The following BRINP1 variants were observed in gnomAD, a reference collection of about 807,000 sequenced individuals.
BRINP1 encodes the protein BMP/retinoic acid inducible neural specific 1, also known as BMP/retinoic acid-inducible neural-specific protein 1.
In BRINP1, 17 loss-of-function variants were observed where a neutral mutation model predicts 72.9. The observed-to-expected ratio is 0.23, with a 90% CI of 0.16 to 0.35. The LOEUF is 0.35. Among genes scored for constraint, BRINP1 ranks in the 10% least tolerant of loss-of-function variants. The probability of loss-of-function intolerance (pLI) is 1.00; values close to 1 mark genes in which losing one functional copy is unlikely to be tolerated. For synonymous variants in BRINP1, 418 were observed against 378.5 expected, an observed-to-expected ratio of 1.10 and a Z score of -1.21; for missense variants, 850 against 1,001.6, an observed-to-expected ratio of 0.85 and a Z score of 2.04.
At chr9:119,184,431 G>A (rs1211712226) in intron 7 of BRINP1, among the ~76,000 whole-genome samples, 3 of 152,114 alleles carry the variant, frequency 2.0e-5, no homozygotes, top group Admixed American at 6.5e-5. Flanking sequence ...TAGTTAGAAG[G>A]ACACTTGTAA....
At chr9:119,223,631 AC>A (rs1830062788) in intron 5 of BRINP1, among the ~76,000 whole-genome samples, 1 of 152,062 alleles carries the variant, frequency 6.6e-6, no homozygotes, top group African/African-American at 2.4e-5. Flanking sequence ...AGTATTGAGT[AC>A]CCAGAGTACG....
At chr9:119,312,342 G>T (rs1346370818) in intron 2 of BRINP1, among the ~76,000 whole-genome samples, 2 of 152,178 alleles carry the variant, frequency 1.3e-5, no homozygotes, top group African/African-American at 4.8e-5. Flanking sequence ...CTCTGGGGAG[G>T]ATCTAGAAAT....
chr9:119,234,980 A>C (rs1003026257), intron 5 of BRINP1, among the ~76,000 whole-genome samples: 1 of 152,090 alleles, frequency 6.6e-6, no homozygotes, highest in Non-Finnish European at 1.5e-5. Flanking sequence ...CAATTGTCTA[A>C]ATTCTATATG....
At chr9:119,256,978 A>T (rs1830453161) in intron 2 of BRINP1, among the ~76,000 whole-genome samples, 3 of 152,248 alleles carry the variant, frequency 2.0e-5, no homozygotes, top group Admixed American at 1.3e-4. Flanking sequence ...CACATAAAAT[A>T]GGAAAAATAA....
In BRINP1 at chr9:119,313,218, C is replaced by T. The variant is rs1831087039; in HGVS notation, c.138G>A (p.Gly46=). The change falls in exon 2 of 8, where the codon GGG becomes GGA. Residue 46 remains glycine (G), a synonymous_variant. Coordinates refer to ENST00000265922, the MANE Select transcript of BRINP1 (RefSeq NM_014618.3). The part of the protein sequence containing the change: ...KEFDWLISDR[G]PFHHSRSYLS... Reference sequence around the variant, plus strand: ...GGTAGCTCCTGGAGTGGTGGAAAGGCCCCCTGTCTGAAATGAGCCAATCAA... The same window carrying T: ...GGTAGCTCCTGGAGTGGTGGAAAGGTCCCCTGTCTGAAATGAGCCAATCAA... 3 of 1,614,018 alleles carry T rather than the reference C, an allele frequency of 1.9e-6. No individual in the cohort carries two copies. Among genetic ancestry groups the T allele is most frequent in the East Asian group, 2.2e-5 (1 of 44,886 alleles).
chr9:119,266,209 A>G (rs1041446185), intron 2 of BRINP1, among the ~76,000 whole-genome samples: 2 of 152,166 alleles, frequency 1.3e-5, no homozygotes, highest in African/African-American at 4.8e-5. Flanking sequence ...TAGAGGCACA[A>G]TCTGTTCCAG....
intron 2 of BRINP1, among the ~76,000 whole-genome samples, chr9:119,279,647 G>T (rs1215383371): frequency 1.3e-5 from 2 of 151,982 alleles, no homozygotes; most frequent in Admixed American, 1.3e-4. Flanking sequence ...AGTTGAACAA[G>T]TGTTGATCAC....
intron 2 of BRINP1, among the ~76,000 whole-genome samples, chr9:119,252,441 G>A (rs138700083): frequency 1.3e-5 from 2 of 151,868 alleles, no homozygotes; most frequent in African/African-American, 4.8e-5. Flanking sequence ...TTCCTTATCA[G>A]CTAATCCAAG....
At chr9:119,186,012 G>A (rs1829613868) in intron 7 of BRINP1, among the ~76,000 whole-genome samples, 1 of 152,212 alleles carries the variant, frequency 6.6e-6, no homozygotes, top group Admixed American at 6.5e-5. Flanking sequence ...CCAAGCTGCT[G>A]CAGTTCCTTA....
At chr9:119,314,315 C>A (rs1831103375) in intron 1 of BRINP1, among the ~76,000 whole-genome samples, 1 of 152,150 alleles carries the variant, frequency 6.6e-6, no homozygotes, top group African/African-American at 2.4e-5. Flanking sequence ...AGAGGATAGA[C>A]CAGAAATCAC....
chr9:119,327,997 G>A (rs976335868), intron 1 of BRINP1, among the ~76,000 whole-genome samples: 2 of 152,244 alleles, frequency 1.3e-5, no homozygotes, highest in African/African-American at 4.8e-5. Flanking sequence ...TACAGGAGTG[G>A]ATGAGACCAC....
intron 5 of BRINP1, among the ~76,000 whole-genome samples, chr9:119,233,858 A>G (rs1830168561): frequency 6.6e-6 from 1 of 152,078 alleles, no homozygotes; most frequent in East Asian, 1.9e-4. Flanking sequence ...ATTTGTTTTT[A>G]CTTTTTTTTC....
intron 7 of BRINP1, among the ~76,000 whole-genome samples, chr9:119,200,649 AAG>A (rs1554747113): frequency 6.2e-5 from 9 of 145,538 alleles, no homozygotes; most frequent in East Asian, 3.9e-4. Context: ...AAAAAAAAAA[AAG>A]AAAGAAAAGA....
chr9:119,310,634 T>C (rs993894225), intron 2 of BRINP1, among the ~76,000 whole-genome samples: 1 of 152,158 alleles, frequency 6.6e-6, no homozygotes, highest in African/African-American at 2.4e-5. Flanking sequence ...AGGAGGGAAC[T>C]GGTGGAAGCT....
intron 7 of BRINP1, among the ~76,000 whole-genome samples, chr9:119,170,251 C>T (rs370866940): frequency 6.6e-5 from 10 of 151,868 alleles, no homozygotes; most frequent in South Asian, 2.1e-4. Context: ...TAGAAGAATG[C>T]ATAACTAGAA....
At chr9:119,342,439 G>A (rs999419013) in intron 1 of BRINP1, among the ~76,000 whole-genome samples, 4 of 152,152 alleles carry the variant, frequency 2.6e-5, no homozygotes, top group Non-Finnish European at 4.4e-5. Context: ...GAGACACAAA[G>A]AAGGGAAATG....
intron 5 of BRINP1, among the ~76,000 whole-genome samples, chr9:119,217,710 T>G (rs17477055): frequency 0.1 from 15,642 of 152,160 alleles, 1,006 homozygotes; most frequent in African/African-American, 0.18. Context: ...TTGTAGCTTG[T>G]ATACAGTCTT....
At chr9:119,289,818 A>G (rs1185063303) in intron 2 of BRINP1, among the ~76,000 whole-genome samples, 1 of 152,230 alleles carries the variant, frequency 6.6e-6, no homozygotes, top group Non-Finnish European at 1.5e-5. Flanking sequence ...AACTGATCAC[A>G]TGGATTGATA....
intron 2 of BRINP1, among the ~76,000 whole-genome samples, chr9:119,265,908 T>C (rs1288326128): frequency 6.6e-6 from 1 of 152,144 alleles, no homozygotes; most frequent in Non-Finnish European, 1.5e-5. Context: ...TTCAAGTGGG[T>C]CCCAGAGTCT....
Sources: gnomAD v4.1 joint callset for allele counts (sites outside exome capture counted in the v4.1 genomes callset) on GRCh38, gnomAD v4.1.1 for gene constraint, MANE v1.5 for transcripts, NCBI Gene and HGNC (gene_info 2026-07-23, HGNC 2026-07-21) for gene names.